The following LRFN2 variants were observed in gnomAD, a reference collection of about 807,000 sequenced individuals.
LRFN2 encodes leucine-rich repeat and fibronectin type-III domain-containing protein 2.
Under a neutral mutation model 37.3 loss-of-function variants are expected in LRFN2, and 18 were observed. That is an observed-to-expected ratio of 0.48 (90% CI 0.33 to 0.72). LRFN2 has a LOEUF of 0.72. Ranked by LOEUF, LRFN2 falls within the 30% of genes least tolerant of loss-of-function variation. The pLI is 0.02. For missense variants in LRFN2, 1,006 were observed against 1,060.7 expected (o/e 0.95, Z 0.72); for synonymous variants, 556 against 466.6 (o/e 1.19, Z -2.47).
At chr6:40,393,988 G>T (rs1240449693) in intron 2 of LRFN2, among the ~76,000 whole-genome samples, 1 of 152,146 alleles carries the variant, frequency 6.6e-6, no homozygotes, top group Admixed American at 6.5e-5. Flanking sequence ...GGACTGGGGG[G>T]CACTTCTGCA....
At chr6:40,458,096 G>T (rs150949580) in intron 1 of LRFN2, among the ~76,000 whole-genome samples, 115 of 152,298 alleles carry the variant, frequency 7.6e-4, no homozygotes, top group African/African-American at 2.5e-3. Context: ...GAGGCCGCTT[G>T]TTACTAAAGC....
At chr6:40,437,355 C>T (rs1763708528) in intron 1 of LRFN2, among the ~76,000 whole-genome samples, 2 of 152,290 alleles carry the variant, frequency 1.3e-5, no homozygotes, top group African/African-American at 4.8e-5. Flanking sequence ...GTTGCCTGCC[C>T]TCTGGTAGAG....
chr6:40,418,058 A>G (rs1296903943), intron 2 of LRFN2, among the ~76,000 whole-genome samples: 1 of 152,152 alleles, frequency 6.6e-6, no homozygotes, highest in Admixed American at 6.5e-5. Context: ...GTCTCATTCA[A>G]GATAAAATCC....
At chr6:40,469,706 C>T (rs920619328) in intron 1 of LRFN2, among the ~76,000 whole-genome samples, 15 of 152,172 alleles carry the variant, frequency 9.9e-5, no homozygotes, top group Non-Finnish European at 2.2e-4. Context: ...AACCCACCTG[C>T]TTCATAGAGG....
At chr6:40,504,946 G>A (rs1765493100) in intron 1 of LRFN2, among the ~76,000 whole-genome samples, 1 of 152,186 alleles carries the variant, frequency 6.6e-6, no homozygotes, top group African/African-American at 2.4e-5. Context: ...CTCCTTTGCT[G>A]GATGGGCAAA....
intron 1 of LRFN2, among the ~76,000 whole-genome samples, chr6:40,547,483 C>A (rs1766687930): frequency 6.6e-6 from 1 of 152,154 alleles, no homozygotes; most frequent in African/African-American, 2.4e-5. Context: ...TCTATTACAC[C>A]ATTTAGTGTA....
At chr6:40,525,639 C>T (rs865884755) in intron 1 of LRFN2, among the ~76,000 whole-genome samples, 1 of 152,180 alleles carries the variant, frequency 6.6e-6, no homozygotes, top group African/African-American at 2.4e-5. Context: ...TACACATGCT[C>T]CGAGCCCACC....
At chr6:40,438,313 C>T (rs1029267577) in intron 1 of LRFN2, among the ~76,000 whole-genome samples, 1 of 152,160 alleles carries the variant, frequency 6.6e-6, no homozygotes, top group Non-Finnish European at 1.5e-5. Context: ...GTAGTCTTCA[C>T]AACCCCACAA....
chr6:40,407,135 C>T (rs1254910554), intron 2 of LRFN2, among the ~76,000 whole-genome samples: 1 of 152,248 alleles, frequency 6.6e-6, no homozygotes, highest in African/African-American at 2.4e-5. Flanking sequence ...CAGGCTCAGC[C>T]AACCCAGGCA....
At chr6:40,541,083 G>T (rs1766547256) in intron 1 of LRFN2, among the ~76,000 whole-genome samples, 2 of 152,150 alleles carry the variant, frequency 1.3e-5, no homozygotes, top group African/African-American at 4.8e-5. Flanking sequence ...CAGGTGCAGG[G>T]TGAGTCCTAA....
chr6:40,526,034 T>C (rs1414981635), intron 1 of LRFN2, among the ~76,000 whole-genome samples: 2 of 152,254 alleles, frequency 1.3e-5, no homozygotes, highest in Non-Finnish European at 2.9e-5. Context: ...AAGATTTTCC[T>C]GGTTTAATAG....
chr6:40,475,039 A>G (rs978036383), intron 1 of LRFN2, among the ~76,000 whole-genome samples: 3 of 152,132 alleles, frequency 2.0e-5, no homozygotes, highest in African/African-American at 7.2e-5. Flanking sequence ...TGGTTGTCGG[A>G]GACTAGGGCT....
chr6:40,537,241 AT>A (rs1166267180), intron 1 of LRFN2, among the ~76,000 whole-genome samples: 39 of 152,354 alleles, frequency 2.6e-4, no homozygotes, highest in Middle Eastern at 3.4e-3. Context: ...TGTAAGGCCC[AT>A]GGGGGCAGGA....
Position 40,587,029 on chromosome 6 carries a change from T to TC in LRFN2, c.-108dup, listed in dbSNP as rs533859099. The TC allele has an allele frequency of 7.2e-5, 11 of 152,064 alleles. No homozygotes were observed. The highest frequency in any genetic ancestry group is 2.7e-4 in the African/African-American group (11 of 41,456). The allele number at this position is 152,064 out of a possible 1,614,324, so 9.4% of individuals were successfully genotyped here. On this transcript the variant is annotated 5_prime_UTR_variant, in exon 1 of 3. Coordinates refer to ENST00000338305, the MANE Select transcript of LRFN2 (RefSeq NM_020737.3). The surrounding 1 kb of genome is among the most constrained non-coding windows in gnomAD (Gnocchi z 4.2). ...GCTCCCCGGCTCGGCCACGCATCCT[T>TC]CCCCGCCCGAGACAGACTCGAGCTA...
intron 1 of LRFN2, among the ~76,000 whole-genome samples, chr6:40,549,136 C>T (rs1278186431): frequency 6.6e-6 from 1 of 152,238 alleles, no homozygotes; most frequent in East Asian, 1.9e-4. Context: ...GACCTCCAGG[C>T]ACACTGTGCC....
At chr6:40,449,058 T>C (rs985067126) in intron 1 of LRFN2, among the ~76,000 whole-genome samples, 1 of 152,234 alleles carries the variant, frequency 6.6e-6, no homozygotes, top group African/African-American at 2.4e-5. Flanking sequence ...TGTTCCCTAA[T>C]ACACATTTTC....
At chr6:40,574,682 G>A (rs939182182) in intron 1 of LRFN2, among the ~76,000 whole-genome samples, 1 of 152,150 alleles carries the variant, frequency 6.6e-6, no homozygotes, top group Non-Finnish European at 1.5e-5. Context: ...AGGTACCTGC[G>A]GCTCCAGAAT....
At chr6:40,431,569 C>T in intron 2 of LRFN2, 145 bp downstream of exon 2, 3 of 586,960 alleles carry the variant, frequency 5.1e-6, no homozygotes, top group Non-Finnish European at 8.3e-6. Context: ...CTCTTACCTG[C>T]ACGAATGGCA....
intron 1 of LRFN2, among the ~76,000 whole-genome samples, chr6:40,455,345 C>A (rs1387025844): frequency 6.6e-6 from 1 of 152,192 alleles, no homozygotes; most frequent in African/African-American, 2.4e-5. Flanking sequence ...TGCTCCACCT[C>A]GGTTGTCACC....
Sources: gnomAD v4.1 joint callset for allele counts (sites outside exome capture counted in the v4.1 genomes callset) on GRCh38, gnomAD v4.1.1 for gene constraint, Gnocchi (gnomAD v3.1) non-coding constraint, MANE v1.5 for transcripts, NCBI Gene and HGNC (gene_info 2026-07-23, HGNC 2026-07-21) for gene names.